NAALADL2: variants seen among roughly 807,000 people sequenced by gnomAD.
The protein encoded by NAALADL2 is inactive N-acetylated-alpha-linked acidic dipeptidase-like protein 2.
NAALADL2 carries 76 observed loss-of-function variants against 87.2 expected under a neutral mutation model. The ratio of observed to expected loss-of-function variants is 0.87; its 90% CI spans 0.72 to 1.05. The LOEUF is 1.05. Among genes scored for constraint, NAALADL2 ranks in the 50% least tolerant of loss-of-function variants. The probability of loss-of-function intolerance (pLI) is 0.00; values close to 1 mark genes in which losing one functional copy is unlikely to be tolerated. For missense variants in NAALADL2, 1,089 were observed against 945.8 expected (o/e 1.15, Z -1.99); for synonymous variants, 354 against 331.0 (o/e 1.07, Z -0.75).
chr3:175,197,825 GGAAGCCAACAAGAAT>G (rs1739244061), intron 2 of NAALADL2, among the ~76,000 whole-genome samples: 1 of 151,938 alleles, frequency 6.6e-6, no homozygotes, highest in South Asian at 2.1e-4. Context: ...AGTAAAGGCA[GGAAGCCAACAAGAAT>G]GAAATATTGA....
intron 5 of NAALADL2, among the ~76,000 whole-genome samples, chr3:175,435,932 G>A (rs1718573814): frequency 6.8e-6 from 1 of 147,150 alleles, no homozygotes; most frequent in Non-Finnish European, 1.5e-5. Context: ...CATGTGCCAT[G>A]CTGGTGCCCT....
chr3:175,018,451 A>G (rs1406382706), intron 1 of NAALADL2, among the ~76,000 whole-genome samples: 1 of 152,016 alleles, frequency 6.6e-6, no homozygotes, highest in Non-Finnish European at 1.5e-5. Flanking sequence ...TATACTGCAA[A>G]TGTTTATAAG....
At chr3:174,941,401 T>C (rs1371663310) in intron 1 of NAALADL2, among the ~76,000 whole-genome samples, 1 of 152,068 alleles carries the variant, frequency 6.6e-6, no homozygotes, top group East Asian at 1.9e-4. Context: ...TTGCTGTGGA[T>C]TGTTTTATAT....
chr3:175,611,209 G>A (rs1476985335), intron 10 of NAALADL2, among the ~76,000 whole-genome samples: 1 of 151,846 alleles, frequency 6.6e-6, no homozygotes, highest in Non-Finnish European at 1.5e-5. Context: ...AGTTAGATGT[G>A]GTACTTTGAT....
intron 5 of NAALADL2, among the ~76,000 whole-genome samples, chr3:175,402,569 A>T (rs1248190192): frequency 6.6e-6 from 1 of 152,112 alleles, no homozygotes; most frequent in African/African-American, 2.4e-5. Context: ...ATAATTATAT[A>T]AACAGGTGTA....
At chr3:174,571,410 C>A (rs1409582917) in intron 2 of NAALADL2, among the ~76,000 whole-genome samples, 1 of 151,850 alleles carries the variant, frequency 6.6e-6, no homozygotes, top group African/African-American at 2.4e-5. Flanking sequence ...GAGTTTCGCT[C>A]TTTTTGCCCA....
chr3:175,101,078 C>A (rs1722077271), intron 2 of NAALADL2, among the ~76,000 whole-genome samples: 1 of 152,004 alleles, frequency 6.6e-6, no homozygotes, highest in African/African-American at 2.4e-5. Context: ...ATAAATGAGT[C>A]TCCAAAAAAC....
chr3:175,444,806 C>T (rs1198153089), intron 5 of NAALADL2, among the ~76,000 whole-genome samples: 1 of 152,170 alleles, frequency 6.6e-6, no homozygotes, highest in Admixed American at 6.5e-5. Context: ...GCCAGCACTG[C>T]TCTTATATAA....
At chr3:174,702,662 A>G (rs1392826777) in intron 2 of NAALADL2, among the ~76,000 whole-genome samples, 2 of 152,218 alleles carry the variant, frequency 1.3e-5, no homozygotes, top group African/African-American at 2.4e-5. Context: ...GCCTGCAAGC[A>G]TGTTACTATA....
At position 174,930,614 on chromosome 3, in the gene NAALADL2, CTTTTTTTT is replaced by C. The variant is rs760690405; in HGVS notation, c.43+71182_43+71189del. On this transcript the variant is annotated intron_variant, in intron 1 of 13. Coordinates refer to ENST00000454872, the MANE Select transcript of NAALADL2 (RefSeq NM_207015.3). Reference sequence around the variant, plus strand: ...TTGCAAGTCCTTTAAATAAGATGAACTTTTTTTTTTTTTTTTTTTTTTTTTGAGACAGA... The same window carrying C: ...TTGCAAGTCCTTTAAATAAGATGAACTTTTTTTTTTTTTTTTTGAGACAGA... Among the ~76,000 whole-genome samples, 15 of 66,818 alleles carry C rather than the reference CTTTTTTTT, an allele frequency of 2.2e-4. 1 individual carries two copies. Among genetic ancestry groups the C allele is most frequent in the East Asian group, 5.8e-4 (1 of 1,716 alleles). 43.8% of individuals were successfully genotyped at this position (66,818 alleles called of 152,430 possible).
intron 3 of NAALADL2, among the ~76,000 whole-genome samples, chr3:174,794,481 T>C (rs189781224): frequency 6.6e-6 from 1 of 151,966 alleles, no homozygotes; most frequent in Non-Finnish European, 1.5e-5. Context: ...AATGTGTAAT[T>C]TTTTACATCC....
chr3:175,737,435 G>C (rs1481869516), intron 12 of NAALADL2, 36 bp downstream of exon 12: 1 of 1,295,270 alleles, frequency 7.7e-7, no homozygotes, highest in Non-Finnish European at 1.1e-6. Flanking sequence ...TTTTACCAAT[G>C]AAAAATTGTT....
At chr3:175,756,327 T>C (rs1253549534) in intron 13 of NAALADL2, among the ~76,000 whole-genome samples, 1 of 152,138 alleles carries the variant, frequency 6.6e-6, no homozygotes, top group African/African-American at 2.4e-5. Flanking sequence ...TCTTGGTATC[T>C]ACCCAAAGGA....
chr3:175,403,561 T>C (rs991427689), intron 5 of NAALADL2, among the ~76,000 whole-genome samples: 11 of 152,256 alleles, frequency 7.2e-5, no homozygotes, highest in African/African-American at 2.6e-4. Flanking sequence ...TTTATTTTAC[T>C]AGTCAATAGG....
At chr3:174,828,655 G>C (rs931976354) in intron 3 of NAALADL2, among the ~76,000 whole-genome samples, 1 of 152,158 alleles carries the variant, frequency 6.6e-6, no homozygotes, top group Non-Finnish European at 1.5e-5. Flanking sequence ...AGCTTCATTA[G>C]TGTGTCTTCT....
At chr3:175,492,690 A>G (rs1192087719) in intron 9 of NAALADL2, among the ~76,000 whole-genome samples, 1 of 152,150 alleles carries the variant, frequency 6.6e-6, no homozygotes, top group African/African-American at 2.4e-5. Flanking sequence ...ACACATATTC[A>G]TATACAAATG....
At chr3:175,190,793 G>A (rs1344334671) in intron 2 of NAALADL2, among the ~76,000 whole-genome samples, 4 of 151,900 alleles carry the variant, frequency 2.6e-5, no homozygotes, top group African/African-American at 7.3e-5. Flanking sequence ...TGGCTAACAC[G>A]GTGAAACCCC....
intron 3 of NAALADL2, among the ~76,000 whole-genome samples, chr3:174,809,650 CT>C (rs34731296): frequency 5.3e-5 from 8 of 151,084 alleles, no homozygotes; most frequent in African/African-American, 1.2e-4. Context: ...AATGGACTGA[CT>C]TTTTTTTTAC....
At chr3:174,662,606 A>C (rs1725603390) in intron 2 of NAALADL2, among the ~76,000 whole-genome samples, 1 of 141,358 alleles carries the variant, frequency 7.1e-6, no homozygotes, top group Non-Finnish European at 1.5e-5. Flanking sequence ...TTGTTGAAAG[A>C]AAAGTTAGGA....
Sources: gnomAD v4.1 joint callset for allele counts (sites outside exome capture counted in the v4.1 genomes callset) on GRCh38, gnomAD v4.1.1 for gene constraint, MANE v1.5 for transcripts, NCBI Gene and HGNC (gene_info 2026-07-23, HGNC 2026-07-21) for gene names.